The following APOOL variants were observed in gnomAD, a reference collection of about 807,000 sequenced individuals.
APOOL encodes the protein MICOS complex subunit MIC27.
A neutral mutation model predicts 23.1 loss-of-function variants in APOOL; 12 were observed. The ratio of observed to expected loss-of-function variants is 0.52; its 90% CI spans 0.33 to 0.84. APOOL has a LOEUF of 0.84. Ranked by LOEUF, APOOL falls within the 40% of genes least tolerant of loss-of-function variation. APOOL has a pLI of 0.02. For missense variants in APOOL, 212 were observed against 199.6 expected (o/e 1.06, Z -0.37); for synonymous variants, 77 against 69.9 (o/e 1.10, Z -0.51).
At chrX:85,007,457 G>T (rs1468237550) in intron 1 of APOOL, among the ~76,000 whole-genome samples, 1 of 111,715 alleles carries the variant, frequency 9.0e-6, no homozygotes, top group Non-Finnish European at 1.9e-5. Flanking sequence ...AGAAGAACTA[G>T]TTCAAAAAGA....
chrX:85,034,154 T>C (rs1922134509), intron 1 of APOOL, among the ~76,000 whole-genome samples: 1 of 108,228 alleles, frequency 9.2e-6, no homozygotes, highest in Admixed American at 9.8e-5. Flanking sequence ...GATAGCTGAG[T>C]CACACAATAT....
chrX:85,041,231 C>T (rs747806306), intron 1 of APOOL, among the ~76,000 whole-genome samples: 11 of 111,423 alleles, frequency 9.9e-5, no homozygotes, highest in African/African-American at 3.6e-4. Context: ...CTGGCAGAGA[C>T]CTGCATGGAA....
intron 5 of APOOL, among the ~76,000 whole-genome samples, chrX:85,056,921 C>T (rs149740624): frequency 5.4e-5 from 6 of 111,442 alleles, no homozygotes; most frequent in African/African-American, 2.0e-4. Context: ...TTCTAACTCC[C>T]AGAAACACTG....
chrX:85,035,036 A>C (rs1922169633), intron 1 of APOOL, among the ~76,000 whole-genome samples: 1 of 111,814 alleles, frequency 8.9e-6, no homozygotes, highest in Non-Finnish European at 1.9e-5. Flanking sequence ...AAATATCCAA[A>C]CTGCTTTCCA....
chrX:85,067,165 G>C lies in APOOL; in HGVS notation c.433G>C (p.Ala145Pro). 1 of 1,160,725 alleles carries C rather than the reference G, an allele frequency of 8.6e-7. No individual in the cohort carries two copies. The highest frequency in any genetic ancestry group is 1.2e-6 in the Non-Finnish European group (1 of 868,167). The change falls in exon 6 of 9, where the codon GCC becomes CCC. Residue 145 changes from alanine (A) to proline (P), a missense_variant. Ala to Pro is a conservative substitution (Grantham distance 27, BLOSUM62 -1). Coordinates refer to ENST00000373173, the MANE Select transcript of APOOL (RefSeq NM_198450.6). ...FKKITYPLGL[A>P]TLGATVCYPV... ...GAAAATTACTTATCCTCTGGGACTG[G>C]CCACTTTAGGAGCAACTGTTTGCTA...
At chrX:85,071,373 A>G (rs1402048750) in intron 6 of APOOL, among the ~76,000 whole-genome samples, 1 of 110,858 alleles carries the variant, frequency 9.0e-6, no homozygotes, top group Non-Finnish European at 1.9e-5. Context: ...ATTTTTGTAC[A>G]CATGAGGGTA....
intron 1 of APOOL, among the ~76,000 whole-genome samples, chrX:85,016,280 A>G (rs1921469512): frequency 9.5e-6 from 1 of 105,570 alleles, no homozygotes; most frequent in South Asian, 4.6e-4. Flanking sequence ...AATAATGCCC[A>G]ACTGTGGGCC....
Position 85,066,826 on chromosome X carries a change from C to T in APOOL, c.395-301C>T, listed in dbSNP as rs762320495. 1.4e-4 allele frequency among the ~76,000 whole-genome samples: 15 copies of T among 109,868 alleles called. No homozygotes were observed. The South Asian group carries it at 5.5e-3, about 41-fold the overall frequency. On this transcript the variant is annotated intron_variant, in intron 5 of 8. Coordinates refer to ENST00000373173, the MANE Select transcript of APOOL (RefSeq NM_198450.6). The stretch of plus-strand genomic sequence containing the variant: ...AAATTGTGGTTATAAATTTGGGTTT[C>T]GTAGGACATGAAAAATACCTAGCTT...
At chrX:85,059,432 G>A (rs1447629388) in intron 5 of APOOL, among the ~76,000 whole-genome samples, 1 of 110,023 alleles carries the variant, frequency 9.1e-6, no homozygotes, top group African/African-American at 3.3e-5. Context: ...TTCTAGTTCT[G>A]TATCCCTGAG....
In APOOL at chrX:85,087,609, T is replaced by A; in HGVS notation, c.738T>A (p.Pro246=). The A allele has an allele frequency of 8.3e-7, 1 of 1,201,955 alleles. No homozygotes were observed. The highest frequency in any genetic ancestry group is 1.1e-6 in the Non-Finnish European group (1 of 890,495). The change falls in exon 9 of 9, where the codon CCT becomes CCA. Residue 246 remains proline (P), a synonymous_variant. Transcript: ENST00000373173. ...ESTSGATQFM[P]DPKLMDHGQS... is the part of the protein sequence containing the mutation. ...TATCAGGTGCAACCCAGTTTATGCCTGACCCCAAGCTCATGGATCACGGGC... is the reference window on the plus strand; with the variant it reads ...TATCAGGTGCAACCCAGTTTATGCCAGACCCCAAGCTCATGGATCACGGGC...
At chrX:85,061,489 C>T (rs1602778564) in intron 5 of APOOL, among the ~76,000 whole-genome samples, 4 of 111,542 alleles carry the variant, frequency 3.6e-5, no homozygotes, top group East Asian at 2.8e-4. Flanking sequence ...TGGTAGAATT[C>T]GGCTGTGAAT....
At chrX:85,085,050 C>T (rs1394439647) in intron 8 of APOOL, among the ~76,000 whole-genome samples, 1 of 111,763 alleles carries the variant, frequency 8.9e-6, no homozygotes, top group Non-Finnish European at 1.9e-5. Flanking sequence ...ACAGCCTCTT[C>T]TCAGAATAAT....
chrX:85,026,045 A>T (rs1602746915), intron 1 of APOOL, among the ~76,000 whole-genome samples: 2 of 113,483 alleles, frequency 1.8e-5, no homozygotes, highest in African/African-American at 6.4e-5. Context: ...CTCCTGCCTC[A>T]GTACAGAGGC....
chrX:85,034,486 T>C (rs1045151637), intron 1 of APOOL, among the ~76,000 whole-genome samples: 2 of 111,343 alleles, frequency 1.8e-5, no homozygotes, highest in African/African-American at 6.5e-5. Flanking sequence ...TCAACTTTTA[T>C]TCTAGGTTTA....
intron 1 of APOOL, among the ~76,000 whole-genome samples, chrX:85,042,590 A>G (rs1385778383): frequency 8.9e-6 from 1 of 112,312 alleles, no homozygotes; most frequent in Non-Finnish European, 1.9e-5. Context: ...TTCCAAACTC[A>G]TTCTACAAGG....
intron 3 of APOOL, 68 bp downstream of exon 3, chrX:85,051,576 G>A (rs1922783005): frequency 8.6e-7 from 1 of 1,169,039 alleles, no homozygotes; most frequent in African/African-American, 1.8e-5. Context: ...ACCTACTGAT[G>A]TGTAGAAAAC....
chrX:85,057,473 T>C (rs1000003272), intron 5 of APOOL, among the ~76,000 whole-genome samples: 1 of 105,789 alleles, frequency 9.5e-6, no homozygotes, highest in Admixed American at 1.1e-4. Context: ...CATATATATA[T>C]ATAAAACATA....
intron 8 of APOOL, among the ~76,000 whole-genome samples, chrX:85,083,456 C>T (rs1924183762): frequency 9.0e-6 from 1 of 110,822 alleles, no homozygotes; most frequent in Non-Finnish European, 1.9e-5. Flanking sequence ...ATACAGTACC[C>T]GAAATTAAGA....
chrX:85,088,321 T>TTG lies in APOOL; in HGVS notation c.*644_*645insGT, dbSNP rs1924435111. ...GGAAAGGTGTGTTTCCCTCTGTTTT[T>TTG]TTTTTTTTTTTTTTTTTTTTTTTTC... is the stretch of plus-strand genomic sequence containing the variant. On this transcript the variant is annotated 3_prime_UTR_variant, in exon 9 of 9. Coordinates refer to ENST00000373173, the MANE Select transcript of APOOL (RefSeq NM_198450.6). 1.4e-5 allele frequency: 1 copy of TTG among 69,291 alleles called. No individual in the cohort carries two copies. The highest frequency in any genetic ancestry group is 7.2e-5 in the African/African-American group (1 of 13,888). 5.7% of individuals were successfully genotyped at this position (69,291 alleles called of 1,213,427 possible).
Sources: allele counts gnomAD v4.1 joint callset (sites outside exome capture counted in the v4.1 genomes callset), GRCh38; gene constraint gnomAD v4.1.1; transcripts MANE v1.5; gene names NCBI Gene and HGNC (gene_info 2026-07-23, HGNC 2026-07-21).